GRID2: variants seen among roughly 807,000 people sequenced by gnomAD.
The protein encoded by GRID2 is glutamate ionotropic receptor delta type subunit 2.
In GRID2, 33 loss-of-function variants were observed where a neutral mutation model predicts 114.8. That is an observed-to-expected ratio of 0.29 (90% CI 0.22 to 0.38). The LOEUF (loss-of-function observed/expected upper bound fraction) is 0.38, where lower values mean the gene tolerates loss of function less well. Among genes scored for constraint, GRID2 ranks in the 10% least tolerant of loss-of-function variants. The probability of loss-of-function intolerance (pLI) is 1.00; values close to 1 mark genes in which losing one functional copy is unlikely to be tolerated. For missense variants in GRID2, 1,184 were observed against 1,257.7 expected (o/e 0.94, Z 0.89); for synonymous variants, 505 against 449.9 (o/e 1.12, Z -1.55).
chr4:92,732,131 A>C (rs911970645), intron 2 of GRID2, among the ~76,000 whole-genome samples: 14 of 152,034 alleles, frequency 9.2e-5, no homozygotes, highest in African/African-American at 3.4e-4. Flanking sequence ...AGTATATTGT[A>C]GTCAACACCC....
At chr4:92,351,832 AG>A (rs766936069) in intron 1 of GRID2, among the ~76,000 whole-genome samples, 8 of 151,894 alleles carry the variant, frequency 5.3e-5, no homozygotes, top group Non-Finnish European at 7.4e-5. Context: ...TGCAGATGAC[AG>A]GATTTCCTCT....
intron 1 of GRID2, among the ~76,000 whole-genome samples, chr4:92,539,618 A>G (rs1343030296): frequency 6.6e-6 from 1 of 152,176 alleles, no homozygotes; most frequent in Admixed American, 6.6e-5. Flanking sequence ...ATTTAAAGAT[A>G]TTTCTCAATT....
chr4:93,467,545 G>A (rs1724412977), intron 11 of GRID2, among the ~76,000 whole-genome samples: 1 of 152,118 alleles, frequency 6.6e-6, no homozygotes. Flanking sequence ...TATCATTATA[G>A]TCTCTTCTAA....
chr4:92,740,808 G>A (rs910064850), intron 2 of GRID2, among the ~76,000 whole-genome samples: 3 of 152,038 alleles, frequency 2.0e-5, no homozygotes, highest in Non-Finnish European at 1.5e-5. Flanking sequence ...GTGCAGTGGA[G>A]CGATCCCGGC....
intron 14 of GRID2, among the ~76,000 whole-genome samples, chr4:93,656,829 C>CAAAAAAAAAAAA (rs61508444): frequency 1.0e-3 from 32 of 31,912 alleles, no homozygotes; most frequent in African/African-American, 1.4e-3. Flanking sequence ...GACTCTGCCT[C>CAAAAAAAAAAAA]AAAAAAAAAA....
At chr4:93,683,953 CA>C (rs1725842762) in intron 14 of GRID2, among the ~76,000 whole-genome samples, 2 of 152,040 alleles carry the variant, frequency 1.3e-5, no homozygotes, top group South Asian at 4.2e-4. Flanking sequence ...GGGACCACTG[CA>C]ATGGGATTTT....
chr4:93,475,186 C>T (rs917265269), intron 11 of GRID2, among the ~76,000 whole-genome samples: 10 of 151,970 alleles, frequency 6.6e-5, no homozygotes, highest in African/African-American at 2.4e-4. Flanking sequence ...GTAAGAACTT[C>T]CTGGAAAAAT....
At chr4:92,541,269 G>A (rs1177676523) in intron 1 of GRID2, among the ~76,000 whole-genome samples, 8 of 151,218 alleles carry the variant, frequency 5.3e-5, no homozygotes, top group Non-Finnish European at 7.4e-5. Flanking sequence ...TTGTGCACAT[G>A]TACCCTTAAA....
chr4:93,374,336 G>A (rs943022461), intron 8 of GRID2, among the ~76,000 whole-genome samples: 1 of 152,102 alleles, frequency 6.6e-6, no homozygotes, highest in South Asian at 2.1e-4. Flanking sequence ...GCAATAGCAG[G>A]GGTGTTTACA....
intron 8 of GRID2, among the ~76,000 whole-genome samples, chr4:93,258,494 T>C (rs1246339560): frequency 1.3e-5 from 2 of 151,640 alleles, no homozygotes; most frequent in Non-Finnish European, 3.0e-5. Flanking sequence ...ATGTATATAA[T>C]GACAGACACA....
chr4:93,553,655 G>C (rs1192684124), intron 13 of GRID2, among the ~76,000 whole-genome samples: 2 of 152,104 alleles, frequency 1.3e-5, no homozygotes, highest in Non-Finnish European at 2.9e-5. Flanking sequence ...AACAAGTTAT[G>C]AACCTACTTT....
At chr4:92,515,040 T>C (rs987967364) in intron 1 of GRID2, among the ~76,000 whole-genome samples, 1 of 151,906 alleles carries the variant, frequency 6.6e-6, no homozygotes, top group Non-Finnish European at 1.5e-5. Context: ...CCCTCAACTA[T>C]GCAGAAATAC....
chr4:93,776,477 A>G (rs1734372322), downstream of GRID2, among the ~76,000 whole-genome samples: 1 of 152,224 alleles, frequency 6.6e-6, no homozygotes. Flanking sequence ...TTTGAAAGCC[A>G]TTGTGCTAAA....
intron 13 of GRID2, among the ~76,000 whole-genome samples, chr4:93,589,017 TCTGCACTCCC>T (rs1737838562): frequency 6.6e-6 from 1 of 150,492 alleles, no homozygotes; most frequent in African/African-American, 2.4e-5. Context: ...CGTTCATGAT[TCTGCACTCCC>T]CTGCTTTTTT....
chr4:92,712,955 T>A (rs1379267405), intron 2 of GRID2, among the ~76,000 whole-genome samples: 1 of 152,100 alleles, frequency 6.6e-6, no homozygotes, highest in East Asian at 1.9e-4. Flanking sequence ...AAATTATTGA[T>A]GATATTTTGG....
chr4:92,618,973 A>T (rs1369912692), intron 2 of GRID2, among the ~76,000 whole-genome samples: 2 of 151,708 alleles, frequency 1.3e-5, no homozygotes, highest in Non-Finnish European at 2.9e-5. Flanking sequence ...AGTGGGGACA[A>T]TATGGCTTCC....
At chr4:92,326,861 A>G (rs891367844) in intron 1 of GRID2, among the ~76,000 whole-genome samples, 2 of 152,018 alleles carry the variant, frequency 1.3e-5, no homozygotes, top group African/African-American at 4.8e-5. Context: ...AACTGTGTCA[A>G]GAACAGTTTT....
chr4:93,699,585 C>A (rs1463553590), intron 14 of GRID2, among the ~76,000 whole-genome samples: 1 of 152,008 alleles, frequency 6.6e-6, no homozygotes, highest in Non-Finnish European at 1.5e-5. Context: ...ACATAGCTAG[C>A]TAATTGAAGA....
At chr4:92,527,455 A>C (rs1050677112) in intron 1 of GRID2, among the ~76,000 whole-genome samples, 4 of 152,142 alleles carry the variant, frequency 2.6e-5, no homozygotes, top group Non-Finnish European at 5.9e-5. Context: ...GGACATACTC[A>C]AAAATATCTT....
Sources: gnomAD v4.1 joint callset for allele counts (sites outside exome capture counted in the v4.1 genomes callset) on GRCh38, gnomAD v4.1.1 for gene constraint, MANE v1.5 for transcripts, NCBI Gene and HGNC (gene_info 2026-07-23, HGNC 2026-07-21) for gene names.